SLC8A1: variants seen among roughly 807,000 people sequenced by gnomAD.
The protein encoded by SLC8A1 is solute carrier family 8 member A1, also known as sodium/calcium exchanger 1.
A neutral mutation model predicts 68.3 loss-of-function variants in SLC8A1; 18 were observed. That is an observed-to-expected ratio of 0.26 (90% CI 0.18 to 0.39). The LOEUF is 0.39. SLC8A1 is among the 10% of genes least tolerant of loss of function. The pLI is 1.00. For synonymous variants in SLC8A1, 475 were observed against 415.5 expected (o/e 1.14, Z -1.74); for missense variants, 985 against 1,156.7 (o/e 0.85, Z 2.15).
Position 40,412,990 on chromosome 2 carries a change from G to C in SLC8A1, c.1808+15483C>G, listed in dbSNP as rs188354354. ...ATATGTATACATGTGCCATGTTGGT[G>C]TGCTGCACCCATTAACTTGTCATTT... On this transcript the variant is annotated intron_variant, in intron 2 of 7. Coordinates refer to ENST00000406785, the Ensembl canonical transcript of SLC8A1. Among the ~76,000 whole-genome samples, 692 of 152,190 alleles carry C rather than the reference G, an allele frequency of 4.5e-3. 23 individuals carry two copies. The highest frequency in any genetic ancestry group is 0.042 in the Admixed American group (643 of 15,280).
chr2:40,215,481 C>CA (rs2057320402), intron 2 of SLC8A1, among the ~76,000 whole-genome samples: 1 of 151,468 alleles, frequency 6.6e-6, no homozygotes. Flanking sequence ...ACTAAAAATA[C>CA]AAAAAATTAG....
chr2:40,277,422 C>G (rs1445305709), intron 2 of SLC8A1, among the ~76,000 whole-genome samples: 6 of 152,004 alleles, frequency 3.9e-5, no homozygotes, highest in African/African-American at 1.4e-4. Context: ...TGCCTGTAAT[C>G]CCAGCTATTC....
chr2:40,108,989 C>G (rs542016448), exon 8 of SLC8A1: 1 of 152,240 alleles, frequency 6.6e-6, no homozygotes, highest in African/African-American at 2.4e-5. Context: ...GGCGAATAAG[C>G]AATCTTAGTA....
intron 2 of SLC8A1, among the ~76,000 whole-genome samples, chr2:40,256,004 T>C (rs1233364918): frequency 6.6e-6 from 1 of 152,190 alleles, no homozygotes; most frequent in Non-Finnish European, 1.5e-5. Context: ...AGAAGAGCAA[T>C]GCTGACAGGC....
intron 2 of SLC8A1, among the ~76,000 whole-genome samples, chr2:40,335,439 C>T (rs1361729107): frequency 2.6e-5 from 4 of 152,144 alleles, no homozygotes; most frequent in Admixed American, 2.0e-4. Context: ...AGTCTATAAC[C>T]ATAATTAAAT....
exon 2 of SLC8A1, chr2:40,429,709 G>C: frequency 6.2e-7 from 1 of 1,613,858 alleles, no homozygotes; most frequent in Non-Finnish European, 8.5e-7. Context: ...CTCTCCGTCA[G>C]GCACCACATA....
At chr2:40,380,651 G>C (rs1054403152) in intron 2 of SLC8A1, among the ~76,000 whole-genome samples, 7 of 152,100 alleles carry the variant, frequency 4.6e-5, no homozygotes, top group African/African-American at 1.7e-4. Context: ...CTTACGGCAA[G>C]TGATGAGTGC....
At chr2:40,234,009 A>G (rs2060029103) in intron 2 of SLC8A1, among the ~76,000 whole-genome samples, 1 of 152,012 alleles carries the variant, frequency 6.6e-6, no homozygotes, top group South Asian at 2.1e-4. Flanking sequence ...GCCTTGTAGT[A>G]TATAGTTTGA....
intron 2 of SLC8A1, among the ~76,000 whole-genome samples, chr2:40,425,389 A>T (rs1238752107): frequency 6.6e-6 from 1 of 151,870 alleles, no homozygotes; most frequent in African/African-American, 2.4e-5. Flanking sequence ...GGAATCCAAC[A>T]ATCATTAAAG....
intron 1 of SLC8A1, among the ~76,000 whole-genome samples, chr2:40,487,397 T>A (rs984096767): frequency 3.9e-5 from 6 of 152,178 alleles, no homozygotes; most frequent in Non-Finnish European, 5.9e-5. Context: ...AGAGGAATAT[T>A]TCACATCTCT....
intron 2 of SLC8A1, among the ~76,000 whole-genome samples, chr2:40,231,704 A>C (rs903437592): frequency 2.0e-5 from 3 of 152,160 alleles, no homozygotes. Flanking sequence ...CGCACTTGGA[A>C]GACAAACTCC....
intron 2 of SLC8A1, among the ~76,000 whole-genome samples, chr2:40,261,834 T>C (rs1377921751): frequency 6.6e-6 from 1 of 152,192 alleles, no homozygotes; most frequent in African/African-American, 2.4e-5. Context: ...ATGGGAAGGA[T>C]TTTGGGTAAG....
At chr2:40,293,572 T>A (rs1055060611) in intron 2 of SLC8A1, among the ~76,000 whole-genome samples, 3 of 152,190 alleles carry the variant, frequency 2.0e-5, no homozygotes, top group Non-Finnish European at 2.9e-5. Flanking sequence ...TCTCTTCCCT[T>A]AATATGAGGG....
intron 2 of SLC8A1, among the ~76,000 whole-genome samples, chr2:40,241,954 C>A (rs936491969): frequency 6.6e-6 from 1 of 151,998 alleles, no homozygotes; most frequent in Non-Finnish European, 1.5e-5. Context: ...ATTAATTATT[C>A]ATAATTCCTA....
intron 2 of SLC8A1, among the ~76,000 whole-genome samples, chr2:40,193,968 T>G (rs2148661590): frequency 6.6e-6 from 1 of 152,234 alleles, no homozygotes; most frequent in African/African-American, 2.4e-5. Flanking sequence ...TCCTGAAAAC[T>G]TGTCTGTGGG....
rs186282239 is a variant in SLC8A1 at position 40,222,608 on chromosome 2, A to C, written c.1809-44753T>G. ...GGCAACCTAGAGAATGGGAAAAATA[A>C]CTGCAATCTATCCATCTGACAAAGG... On this transcript the variant is annotated intron_variant, in intron 2 of 7. Coordinates refer to ENST00000406785, the Ensembl canonical transcript of SLC8A1. Among the ~76,000 whole-genome samples, 23 of 152,204 alleles carry C rather than the reference A, an allele frequency of 1.5e-4. 2 individuals carry two copies. The East Asian group carries it at 4.2e-3, about 28-fold the overall frequency.
intron 1 of SLC8A1, among the ~76,000 whole-genome samples, chr2:40,490,611 T>G (rs761066753): frequency 6.6e-6 from 1 of 152,132 alleles, no homozygotes; most frequent in Non-Finnish European, 1.5e-5. Flanking sequence ...GACTATAACA[T>G]CATAATGTTT....
chr2:40,357,626 G>C (rs1023532141), intron 2 of SLC8A1, among the ~76,000 whole-genome samples: 1 of 151,894 alleles, frequency 6.6e-6, no homozygotes, highest in African/African-American at 2.4e-5. Context: ...ACTATGGCGT[G>C]TGTAACAAAC....
chr2:40,146,066 C>G (rs529643270), intron 6 of SLC8A1, among the ~76,000 whole-genome samples: 1 of 152,260 alleles, frequency 6.6e-6, no homozygotes, highest in East Asian at 1.9e-4. Flanking sequence ...TAGATGATGT[C>G]AACAACTTTT....
Sources: allele counts gnomAD v4.1 joint callset (sites outside exome capture counted in the v4.1 genomes callset), GRCh38; gene constraint gnomAD v4.1.1; transcripts MANE v1.5; gene names NCBI Gene and HGNC (gene_info 2026-07-23, HGNC 2026-07-21).